Variants in ZNF521 observed in about 807,000 individuals in gnomAD.
ZNF521 encodes the protein zinc finger protein 521.
In ZNF521, 14 loss-of-function variants were observed where a neutral mutation model predicts 105.5. The observed-to-expected ratio is 0.13, with a 90% CI of 0.09 to 0.21. The LOEUF is 0.21. Ranked by LOEUF, ZNF521 falls within the 10% of genes least tolerant of loss-of-function variation. The pLI is 1.00. For synonymous variants in ZNF521, 635 were observed against 606.0 expected (o/e 1.05, Z -0.70); for missense variants, 1,233 against 1,629.7 (o/e 0.76, Z 4.19).
chr18:25,338,259 TTG>T (rs34813730), intron 2 of ZNF521, among the ~76,000 whole-genome samples: 2,325 of 136,586 alleles, frequency 0.017, 29 homozygotes, highest in East Asian at 0.043. Context: ...TCATAGACTT[TTG>T]TGTGTGTGTG....
chr18:25,243,334 A>C (rs1216081647), intron 3 of ZNF521, among the ~76,000 whole-genome samples: 1 of 152,198 alleles, frequency 6.6e-6, no homozygotes, highest in Non-Finnish European at 1.5e-5. Flanking sequence ...CTCAGCTTAC[A>C]TGCTATACCA....
chr18:25,123,251 T>C (rs1337415894), intron 5 of ZNF521, among the ~76,000 whole-genome samples: 2 of 152,144 alleles, frequency 1.3e-5, no homozygotes, highest in Admixed American at 1.3e-4. Context: ...GACCACATCG[T>C]CAGGGAACTG....
intron 7 of ZNF521, among the ~76,000 whole-genome samples, chr18:25,068,180 A>G (rs2033120181): frequency 6.6e-6 from 1 of 152,244 alleles, no homozygotes; most frequent in Non-Finnish European, 1.5e-5. Flanking sequence ...CTCAGAAACA[A>G]TGCAAGGTGG....
intron 3 of ZNF521, among the ~76,000 whole-genome samples, chr18:25,259,902 G>A (rs1408084953): frequency 1.3e-5 from 2 of 152,194 alleles, no homozygotes; most frequent in Non-Finnish European, 2.9e-5. Context: ...GAAAAGCACA[G>A]CATGAGGACA....
At chr18:25,294,157 G>A (rs1911191042) in intron 3 of ZNF521, among the ~76,000 whole-genome samples, 1 of 152,072 alleles carries the variant, frequency 6.6e-6, no homozygotes, top group Non-Finnish European at 1.5e-5. Flanking sequence ...AACTATTAAA[G>A]GTTTCTCTTA....
intron 3 of ZNF521, among the ~76,000 whole-genome samples, chr18:25,277,601 A>G (rs995838776): frequency 3.3e-5 from 5 of 152,192 alleles, no homozygotes; most frequent in African/African-American, 7.2e-5. Flanking sequence ...ATTTCATGTC[A>G]TTTACCTTAT....
intron 5 of ZNF521, among the ~76,000 whole-genome samples, chr18:25,180,791 G>A (rs1213264921): frequency 6.6e-6 from 1 of 152,064 alleles, no homozygotes; most frequent in Non-Finnish European, 1.5e-5. Context: ...CATCCATTTT[G>A]TGGCATTAGT....
At chr18:25,293,348 A>T (rs1295532020) in intron 3 of ZNF521, among the ~76,000 whole-genome samples, 1 of 125,992 alleles carries the variant, frequency 7.9e-6, no homozygotes, top group East Asian at 2.5e-4. Context: ...GCACATGTAC[A>T]CATACACACA....
chr18:25,349,869 G>A (rs1321889770), intron 2 of ZNF521, among the ~76,000 whole-genome samples: 1 of 150,562 alleles, frequency 6.6e-6, no homozygotes, highest in Non-Finnish European at 1.5e-5. Flanking sequence ...CTGGCCCCCT[G>A]GCCCTCGCCC....
At chr18:25,114,943 A>G (rs544454567) in intron 5 of ZNF521, among the ~76,000 whole-genome samples, 57 of 152,308 alleles carry the variant, frequency 3.7e-4, no homozygotes, top group Admixed American at 2.4e-3. Context: ...CTTTGCTAAT[A>G]TTCCTTTTGT....
intron 5 of ZNF521, among the ~76,000 whole-genome samples, chr18:25,114,939 T>C (rs746430968): frequency 2.6e-5 from 4 of 152,258 alleles, no homozygotes; most frequent in Non-Finnish European, 5.9e-5. Flanking sequence ...TGTTCTTTGC[T>C]AATATTCCTT....
chr18:25,248,305 A>G (rs1907869401), intron 3 of ZNF521, among the ~76,000 whole-genome samples: 1 of 152,204 alleles, frequency 6.6e-6, no homozygotes, highest in Admixed American at 6.5e-5. Context: ...GTTATACACC[A>G]ATGGAGCTTT....
At position 25,227,176 on chromosome 18, in the gene ZNF521, A is replaced by T; in HGVS notation, c.742T>A (p.Cys248Ser). The change falls in exon 4 of 8, where the codon TGC becomes AGC. Residue 248 changes from cysteine (C) to serine (S), a missense_variant. Transcript: ENST00000361524. The surrounding 1 kb of genome is among the most constrained non-coding windows in gnomAD (Gnocchi z 5.7). ...EDWKMKDTQK[C>S]SQCEEGFDFP... ...TCAAAGCCTTCCTCACACTGACTGC[A>T]CTTCTGAGTGTCCTTCATCTTCCAG... 1 of 1,614,088 alleles carries T rather than the reference A, an allele frequency of 6.2e-7. No homozygotes were observed. Among genetic ancestry groups the T allele is most frequent in the Non-Finnish European group, 8.5e-7 (1 of 1,179,990 alleles).
intron 3 of ZNF521, among the ~76,000 whole-genome samples, chr18:25,266,882 C>CT (rs1909296425): frequency 6.6e-6 from 1 of 152,042 alleles, no homozygotes; most frequent in East Asian, 1.9e-4. Context: ...GTTTTTGTTT[C>CT]TTTTTTTCCA....
intron 5 of ZNF521, among the ~76,000 whole-genome samples, chr18:25,182,510 G>T (rs568513223): frequency 6.6e-6 from 1 of 152,098 alleles, no homozygotes; most frequent in Non-Finnish European, 1.5e-5. Context: ...CGCCCATTTC[G>T]CTTCCCTTCC....
intron 3 of ZNF521, among the ~76,000 whole-genome samples, chr18:25,286,917 T>C (rs1025646451): frequency 1.3e-5 from 2 of 152,302 alleles, no homozygotes; most frequent in Admixed American, 6.5e-5. Flanking sequence ...ATTCCAAATA[T>C]CTTTTGCAAA....
chr18:25,065,020 T>C (rs886850202), intron 7 of ZNF521, among the ~76,000 whole-genome samples: 9 of 152,186 alleles, frequency 5.9e-5, no homozygotes, highest in African/African-American at 2.2e-4. Context: ...ATAAAAGTAC[T>C]AATGAGACCG....
In ZNF521 at chr18:25,225,022, C is replaced by G. The variant is rs370706817; in HGVS notation, c.2896G>C (p.Glu966Gln). The change falls in exon 4 of 8, where the codon GAG (glutamate) becomes CAG (glutamine). Residue 966 changes from glutamate (E) to glutamine (Q), a missense_variant. Around this residue, in one of 6 missense-constraint regions of ZNF521, gnomAD observed 614 missense variants for 751.5 expected, o/e 0.82. Coordinates refer to ENST00000361524, the MANE Select transcript of ZNF521 (RefSeq NM_015461.3). This position sits in a 1 kb window ranked among gnomAD's most constrained non-coding sequence, Gnocchi z 5.6. ...VKHYMCPICG[E>Q]RFPSLLTLTE... is the part of the protein sequence containing the mutation. ...AGAGTTAAAAGGGAGGGAAACCGCT[C>G]TCCGCAAATAGGGCACATGTAGTGT... 5 of 1,614,060 alleles carry G rather than the reference C, an allele frequency of 3.1e-6. No homozygotes were observed. Among genetic ancestry groups the G allele is most frequent in the African/African-American group, 1.3e-5 (1 of 74,924 alleles).
At chr18:25,139,566 A>G (rs2034808275) in intron 5 of ZNF521, among the ~76,000 whole-genome samples, 1 of 152,012 alleles carries the variant, frequency 6.6e-6, no homozygotes, top group African/African-American at 2.4e-5. Flanking sequence ...CCTCTAGTAG[A>G]GGTGTTACAG....
Sources: gnomAD v4.1 joint callset for allele counts (sites outside exome capture counted in the v4.1 genomes callset) on GRCh38, gnomAD v4.1.1 for gene constraint, gnomAD v4.1.1 regional missense constraint, Gnocchi (gnomAD v3.1) non-coding constraint, MANE v1.5 for transcripts, NCBI Gene and HGNC (gene_info 2026-07-23, HGNC 2026-07-21) for gene names.